PTPRN2: variants seen among roughly 807,000 people sequenced by gnomAD.
The protein encoded by PTPRN2 is protein tyrosine phosphatase receptor type N2.
A neutral mutation model predicts 118.8 loss-of-function variants in PTPRN2; 74 were observed. The observed-to-expected ratio is 0.62, with a 90% CI of 0.52 to 0.76. The LOEUF is 0.76. PTPRN2 is among the 30% of genes least tolerant of loss of function. The pLI is 0.00. For synonymous variants in PTPRN2, 641 were observed against 608.0 expected (o/e 1.05, Z -0.80); for missense variants, 1,481 against 1,394.4 (o/e 1.06, Z -0.99).
At chr7:157,855,982 C>T (rs890238505) in intron 12 of PTPRN2, 4 of 152,216 alleles carry the variant, frequency 2.6e-5, no homozygotes, top group African/African-American at 4.8e-5. Context: ...ATTTAAGGCT[C>T]CTGCAGCTGA....
chr7:157,758,152 G>A (rs889958790), intron 12 of PTPRN2, among the ~76,000 whole-genome samples: 11 of 152,260 alleles, frequency 7.2e-5, no homozygotes, highest in Non-Finnish European at 1.5e-4. Flanking sequence ...AGCTCCCGGC[G>A]TGGCTGCAGT....
intron 12 of PTPRN2, among the ~76,000 whole-genome samples, chr7:157,877,201 T>C (rs529096530): frequency 1.5e-5 from 2 of 137,850 alleles, no homozygotes; most frequent in South Asian, 4.9e-4. Context: ...GGACCCCGGG[T>C]CCGAGTGCAG....
At chr7:157,803,773 A>G (rs1805464213) in intron 12 of PTPRN2, among the ~76,000 whole-genome samples, 2 of 152,206 alleles carry the variant, frequency 1.3e-5, no homozygotes, top group Non-Finnish European at 2.9e-5. Context: ...CCATTGATCT[A>G]TAAGTCTGTT....
Position 157,977,209 on chromosome 7 carries a change from G to A in PTPRN2, c.1724-78472C>T, listed in dbSNP as rs181953303. The stretch of plus-strand genomic sequence containing the variant: ...TGCGTACAGGTGCCGTTCCAGCACC[G>A]GGGACTCCCTGGTGTGACCCACAGG... On this transcript the variant is annotated intron_variant, in intron 11 of 22. Coordinates refer to ENST00000389418, the MANE Select transcript of PTPRN2 (RefSeq NM_002847.5). This position sits in a 1 kb window ranked among gnomAD's most constrained non-coding sequence, Gnocchi z 4.6. Among the ~76,000 whole-genome samples the A allele has an allele frequency of 1.4e-4, 22 of 151,956 alleles. No homozygotes were observed. Among genetic ancestry groups the A allele is most frequent in the African/African-American group, 3.9e-4 (16 of 41,524 alleles).
intron 12 of PTPRN2, among the ~76,000 whole-genome samples, chr7:157,703,586 A>G (rs943506018): frequency 1.3e-5 from 2 of 151,920 alleles, no homozygotes; most frequent in African/African-American, 2.4e-5. Flanking sequence ...CGTCCAGGAG[A>G]GAACCAGATG....
chr7:158,195,385 C>T (rs1277393173), intron 4 of PTPRN2, among the ~76,000 whole-genome samples: 1 of 152,038 alleles, frequency 6.6e-6, no homozygotes, highest in Non-Finnish European at 1.5e-5. Context: ...TTAAGGTTGG[C>T]TTTTTATCAC....
At chr7:157,614,751 T>G (rs1208556359) in intron 15 of PTPRN2, among the ~76,000 whole-genome samples, 4 of 152,094 alleles carry the variant, frequency 2.6e-5, no homozygotes, top group African/African-American at 9.7e-5. Flanking sequence ...CCTAGTGCAG[T>G]GGGTCTGCTG....
intron 11 of PTPRN2, among the ~76,000 whole-genome samples, chr7:158,069,896 G>A (rs182866377): frequency 5.9e-5 from 9 of 152,324 alleles, no homozygotes; most frequent in East Asian, 1.9e-4. Context: ...GCAGCCTCGC[G>A]GAGTGTAACT....
At chr7:158,303,538 T>C (rs1801051427) in intron 3 of PTPRN2, among the ~76,000 whole-genome samples, 1 of 152,228 alleles carries the variant, frequency 6.6e-6, no homozygotes, top group Non-Finnish European at 1.5e-5. Context: ...AGGATTAAAA[T>C]GTCATTAAGC....
intron 11 of PTPRN2, among the ~76,000 whole-genome samples, chr7:158,019,715 C>A (rs965544588): frequency 2.6e-5 from 4 of 152,158 alleles, no homozygotes; most frequent in Non-Finnish European, 5.9e-5. Context: ...GTGTCCCCTC[C>A]AAGTCCCACC....
chr7:157,812,106 C>T (rs1806080694), intron 12 of PTPRN2, among the ~76,000 whole-genome samples: 1 of 152,198 alleles, frequency 6.6e-6, no homozygotes, highest in South Asian at 2.1e-4. Flanking sequence ...AACCCGGCAT[C>T]CCTCGACCAT....
At chr7:157,556,743 CCA>C (rs754129857) in intron 21 of PTPRN2, among the ~76,000 whole-genome samples, 179 of 151,510 alleles carry the variant, frequency 1.2e-3, no homozygotes, top group Non-Finnish European at 2.3e-3. Flanking sequence ...CACTCACACC[CCA>C]CACTCATACA....
At chr7:158,371,436 T>G (rs1262524461) in intron 2 of PTPRN2, among the ~76,000 whole-genome samples, 5 of 152,164 alleles carry the variant, frequency 3.3e-5, no homozygotes, top group African/African-American at 1.2e-4. Context: ...TGATTAACAT[T>G]TGTAACAATT....
At chr7:158,078,185 T>A (rs778735368) in intron 11 of PTPRN2, among the ~76,000 whole-genome samples, 5 of 152,218 alleles carry the variant, frequency 3.3e-5, no homozygotes, top group Non-Finnish European at 7.3e-5. Context: ...TCATTAGGTT[T>A]TGTATCATTT....
intron 2 of PTPRN2, among the ~76,000 whole-genome samples, chr7:158,442,731 C>T (rs758923728): frequency 6.6e-6 from 1 of 152,180 alleles, no homozygotes; most frequent in Admixed American, 6.5e-5. Context: ...TGCAGCGTTC[C>T]GCCTGCTTCC....
intron 2 of PTPRN2, among the ~76,000 whole-genome samples, chr7:158,447,056 G>A (rs1474744296): frequency 6.6e-6 from 1 of 152,212 alleles, no homozygotes; most frequent in African/African-American, 2.4e-5. Flanking sequence ...CAGGCCAACA[G>A]CAGCTCCAGG....
At chr7:157,804,168 G>A (rs770668418) in intron 12 of PTPRN2, among the ~76,000 whole-genome samples, 13 of 152,272 alleles carry the variant, frequency 8.5e-5, no homozygotes, top group East Asian at 1.9e-4. Flanking sequence ...ATTCCTCACC[G>A]GGTGTGGAGG....
chr7:158,269,013 CA>C (rs1426460607), intron 3 of PTPRN2, among the ~76,000 whole-genome samples: 2 of 152,226 alleles, frequency 1.3e-5, no homozygotes, highest in Non-Finnish European at 2.9e-5. Flanking sequence ...TGAACGCACA[CA>C]CTGAACCTCC....
At chr7:157,701,626 T>C (rs1455570931) in intron 12 of PTPRN2, among the ~76,000 whole-genome samples, 1 of 152,178 alleles carries the variant, frequency 6.6e-6, no homozygotes, top group African/African-American at 2.4e-5. Context: ...CTACCCGAAG[T>C]TCTGTGGCCA....
Sources: gnomAD v4.1 joint callset for allele counts (sites outside exome capture counted in the v4.1 genomes callset) on GRCh38, gnomAD v4.1.1 for gene constraint, Gnocchi (gnomAD v3.1) non-coding constraint, MANE v1.5 for transcripts, NCBI Gene and HGNC (gene_info 2026-07-23, HGNC 2026-07-21) for gene names.